The following MEF2C variants were observed in gnomAD, a reference collection of about 807,000 sequenced individuals.
MEF2C encodes the protein myocyte-specific enhancer factor 2C.
MEF2C carries 6 observed loss-of-function variants against 50.5 expected under a neutral mutation model. That is an observed-to-expected ratio of 0.12 (90% CI 0.07 to 0.23). The LOEUF (loss-of-function observed/expected upper bound fraction) is 0.23, where lower values mean the gene tolerates loss of function less well. MEF2C is among the 10% of genes least tolerant of loss of function. The pLI is 1.00. For synonymous variants in MEF2C, 183 were observed against 228.0 expected, an observed-to-expected ratio of 0.80 and a Z score of 1.78; for missense variants, 276 against 605.0, an observed-to-expected ratio of 0.46 and a Z score of 5.70.
chr5:88,868,708 T>TA (rs1199593311), intron 1 of MEF2C, among the ~76,000 whole-genome samples: 3 of 152,198 alleles, frequency 2.0e-5, no homozygotes, highest in Non-Finnish European at 4.4e-5. Flanking sequence ...GTTCACCACC[T>TA]ATGATTCTTG....
At chr5:88,828,307 C>T in intron 1 of MEF2C, among the ~76,000 whole-genome samples, 1 of 151,912 alleles carries the variant, frequency 6.6e-6, no homozygotes, top group South Asian at 2.1e-4. Flanking sequence ...ATGTATTTTT[C>T]TGCAATAAGT....
At chr5:88,843,829 C>T (rs1232707211) in intron 1 of MEF2C, among the ~76,000 whole-genome samples, 2 of 136,820 alleles carry the variant, frequency 1.5e-5, no homozygotes, top group African/African-American at 2.8e-5. Context: ...TTTTTTGAGA[C>T]GGAGTCTTGC....
intron 2 of MEF2C, among the ~76,000 whole-genome samples, chr5:88,816,763 G>A (rs1805631481): frequency 6.6e-6 from 1 of 151,688 alleles, no homozygotes; most frequent in African/African-American, 2.4e-5. Context: ...TATGAAATAA[G>A]TTTAGTATAA....
At chr5:88,884,379 T>C (rs114694170), upstream of MEF2C, 5,417 of 152,326 alleles carry the variant, frequency 0.036, 145 homozygotes, top group Non-Finnish European at 0.055. Context: ...CAGCGTGCTT[T>C]TCCTGCACGC....
chr5:88,800,645 T>C (rs1396422964), intron 3 of MEF2C, among the ~76,000 whole-genome samples: 3 of 151,626 alleles, frequency 2.0e-5, no homozygotes. Flanking sequence ...GAACGAGGAG[T>C]GGAGCTAGTG....
intron 3 of MEF2C, chr5:88,766,661 A>G (rs1239382794): frequency 1.0e-6 from 1 of 985,284 alleles, no homozygotes; most frequent in Non-Finnish European, 1.2e-6. Context: ...TTCTACATGC[A>G]GAGAAACCTG....
chr5:88,896,138 T>G (rs1835091993), intron 1 of MEF2C, among the ~76,000 whole-genome samples: 1 of 152,146 alleles, frequency 6.6e-6, no homozygotes, highest in Non-Finnish European at 1.5e-5. Context: ...TTTTTGAAAA[T>G]GTTGGGATTG....
chr5:88,872,325 T>A (rs1318019735), intron 1 of MEF2C, among the ~76,000 whole-genome samples: 1 of 152,026 alleles, frequency 6.6e-6, no homozygotes. Context: ...CTTTTAAAAT[T>A]CATGGATGGT....
At chr5:88,891,747 A>G (rs1375546814) in intron 1 of MEF2C, among the ~76,000 whole-genome samples, 1 of 152,122 alleles carries the variant, frequency 6.6e-6, no homozygotes, top group African/African-American at 2.4e-5. Context: ...TATCTGAAAC[A>G]TATAAGGCAA....
intron 6 of MEF2C, chr5:88,739,508 C>T (rs984806928): frequency 1.5e-5 from 15 of 977,246 alleles, no homozygotes; most frequent in African/African-American, 1.8e-5. Context: ...TTTTGTGCCT[C>T]AAATGAACAT....
intron 1 of MEF2C, among the ~76,000 whole-genome samples, chr5:88,897,279 A>G (rs936559314): frequency 3.9e-5 from 6 of 152,356 alleles, no homozygotes; most frequent in African/African-American, 1.4e-4. Context: ...ATGTTCATGC[A>G]TCCACACAGT....
chr5:88,841,689 C>T (rs532979917), intron 1 of MEF2C, among the ~76,000 whole-genome samples: 157 of 152,146 alleles, frequency 1.0e-3, no homozygotes, highest in Non-Finnish European at 1.8e-3. Flanking sequence ...GTGTTCATTT[C>T]GCTGCATAAT....
intron 1 of MEF2C, among the ~76,000 whole-genome samples, chr5:88,861,264 T>TTTAA (rs1561380708): frequency 6.6e-6 from 1 of 152,240 alleles, no homozygotes; most frequent in Admixed American, 6.5e-5. Context: ...TCAAACACTT[T>TTTAA]TTAAAAACAC....
At chr5:88,797,944 C>A (rs973030726) in intron 3 of MEF2C, among the ~76,000 whole-genome samples, 9 of 152,090 alleles carry the variant, frequency 5.9e-5, no homozygotes, top group African/African-American at 1.9e-4. Flanking sequence ...GTTGAAAATT[C>A]TTTTCTTTAA....
intron 2 of MEF2C, among the ~76,000 whole-genome samples, chr5:88,808,418 A>G (rs559988800): frequency 6.6e-6 from 1 of 152,140 alleles, no homozygotes; most frequent in Admixed American, 6.5e-5. Context: ...ATCAAAGTAC[A>G]TTTCAGTACA....
At chr5:88,743,916 A>G in intron 6 of MEF2C, 1 of 911,292 alleles carries the variant, frequency 1.1e-6, no homozygotes, top group Non-Finnish European at 1.3e-6. Context: ...GCCAATTAAA[A>G]TTATTAACCA....
chr5:88,896,615 TA>T (rs1365823878), intron 1 of MEF2C, among the ~76,000 whole-genome samples: 1 of 152,184 alleles, frequency 6.6e-6, no homozygotes, highest in Non-Finnish European at 1.5e-5. Context: ...CTTAAATCTT[TA>T]AATAAAGAGT....
At chr5:88,848,503 T>G (rs1486354180) in intron 1 of MEF2C, among the ~76,000 whole-genome samples, 9 of 152,226 alleles carry the variant, frequency 5.9e-5, no homozygotes, top group Non-Finnish European at 1.3e-4. Context: ...GCATATTATT[T>G]AATTCTTATA....
intron 1 of MEF2C, among the ~76,000 whole-genome samples, chr5:88,881,588 G>A (rs1028362616): frequency 2.0e-5 from 3 of 152,164 alleles, no homozygotes; most frequent in African/African-American, 7.2e-5. Context: ...GCAATACGAG[G>A]TTAAACGGGG....
Sources: gnomAD v4.1 joint callset for allele counts (sites outside exome capture counted in the v4.1 genomes callset) on GRCh38, gnomAD v4.1.1 for gene constraint, MANE v1.5 for transcripts, NCBI Gene and HGNC (gene_info 2026-07-23, HGNC 2026-07-21) for gene names.